The following SDC2 variants were observed in gnomAD, a reference collection of about 807,000 sequenced individuals.
The protein encoded by SDC2 is syndecan-2.
SDC2 carries 13 observed loss-of-function variants against 22.2 expected under a neutral mutation model. The ratio of observed to expected loss-of-function variants is 0.59; its 90% CI spans 0.38 to 0.93. The LOEUF is 0.93. Among genes scored for constraint, SDC2 ranks in the 40% least tolerant of loss-of-function variants. SDC2 has a pLI of 0.00. For missense variants in SDC2, 235 were observed against 246.8 expected, an observed-to-expected ratio of 0.95 and a Z score of 0.32; for synonymous variants, 94 against 92.8, an observed-to-expected ratio of 1.01 and a Z score of -0.07.
At position 96,517,233 on chromosome 8, in the gene SDC2, GTATT is replaced by G. The variant is rs538796735; in HGVS notation, c.60+22905_60+22908del. 2.7e-3 allele frequency among the ~76,000 whole-genome samples: 414 copies of G among 152,278 alleles called. 1 individual carries two copies. The highest frequency in any genetic ancestry group is 9.1e-3 in the African/African-American group (377 of 41,558). On this transcript the variant is annotated intron_variant, in intron 1 of 4. Transcript: ENST00000302190. ...TGTGTTTTTGTGTTCTTAGCCATTTGTATTTACTCTGTGAAGAAATGTCTATTCA... is the reference window on the plus strand; with the variant it reads ...TGTGTTTTTGTGTTCTTAGCCATTTGTACTCTGTGAAGAAATGTCTATTCA...
rs145646968 is a variant in SDC2, at chr8:96,585,395, A to G, written c.61-8085A>G. ...TCATCATGAGATGATGGCTTGGAAC[A>G]CCTGAGGGTTCGGATGACATGAGTT... On this transcript the variant is annotated intron_variant, in intron 1 of 4. Transcript: ENST00000302190. 4.6e-5 allele frequency among the ~76,000 whole-genome samples: 7 copies of G among 152,324 alleles called. No individual in the cohort carries two copies. The East Asian group carries it at 1.4e-3, about 29-fold the overall frequency.
chr8:96,577,906 G>T (rs1814531086), intron 1 of SDC2, among the ~76,000 whole-genome samples: 1 of 152,094 alleles, frequency 6.6e-6, no homozygotes, highest in Non-Finnish European at 1.5e-5. Context: ...TCTTTTTGAT[G>T]GCTTGATAGC....
chr8:96,585,429 G>C (rs1814665859), intron 1 of SDC2, among the ~76,000 whole-genome samples: 1 of 152,152 alleles, frequency 6.6e-6, no homozygotes, highest in African/African-American at 2.4e-5. Flanking sequence ...TTTGTAGAAT[G>C]ATATGCCAGT....
chr8:96,601,505 G>A (rs762650530), intron 2 of SDC2, among the ~76,000 whole-genome samples: 3 of 151,630 alleles, frequency 2.0e-5, no homozygotes, highest in South Asian at 2.1e-4. Context: ...GCTGGGTGTC[G>A]TAGCATGCGC....
Position 96,552,934 on chromosome 8 carries a change from T to C in SDC2, c.61-40546T>C, listed in dbSNP as rs375807527. Among the ~76,000 whole-genome samples the C allele has an allele frequency of 1.1e-4, 16 of 152,336 alleles. No individual in the cohort carries two copies. In the East Asian group the frequency reaches 2.5e-3, roughly 24 times the overall value. The stretch of plus-strand genomic sequence containing the variant: ...TTAAGCTACTAAGAGTTTTCTGGTA[T>C]TGAATGAAAAAGAATTGTAGGTATT... On this transcript the variant is annotated intron_variant, in intron 1 of 4. Coordinates refer to ENST00000302190, the MANE Select transcript of SDC2 (RefSeq NM_002998.4).
intron 3 of SDC2, 101 bp downstream of exon 3, chr8:96,602,629 T>C (rs1301528323): frequency 3.0e-6 from 4 of 1,320,708 alleles, no homozygotes; most frequent in African/African-American, 1.5e-5. Flanking sequence ...TTCTTCTTTT[T>C]GGAGCTACCC....
chr8:96,537,628 A>T (rs1813775175), intron 1 of SDC2, among the ~76,000 whole-genome samples: 3 of 151,312 alleles, frequency 2.0e-5, no homozygotes, highest in East Asian at 1.9e-4. Flanking sequence ...GAAATTAATA[A>T]TTTTTCTTCT....
chr8:96,582,912 G>A (rs145310317), intron 1 of SDC2, among the ~76,000 whole-genome samples: 4 of 152,198 alleles, frequency 2.6e-5, no homozygotes, highest in African/African-American at 9.6e-5. Flanking sequence ...CTAACAAGAC[G>A]GGTTATTAGA....
chr8:96,539,822 A>G (rs1458703046), intron 1 of SDC2, among the ~76,000 whole-genome samples: 1 of 152,154 alleles, frequency 6.6e-6, no homozygotes, highest in Non-Finnish European at 1.5e-5. Context: ...AGGTTTTCCA[A>G]TTTTATAAGG....
chr8:96,495,227 G>T (rs1813051702), intron 1 of SDC2, among the ~76,000 whole-genome samples: 1 of 152,220 alleles, frequency 6.6e-6, no homozygotes, highest in African/African-American at 2.4e-5. Flanking sequence ...TGGCCCTGGC[G>T]GGGCGCTTCT....
intron 1 of SDC2, among the ~76,000 whole-genome samples, chr8:96,542,395 T>C (rs1393967816): frequency 6.6e-6 from 1 of 152,140 alleles, no homozygotes; most frequent in Non-Finnish European, 1.5e-5. Flanking sequence ...CAGTAAACCA[T>C]AATGAATGTT....
At chr8:96,517,530 T>C (rs1261379796) in intron 1 of SDC2, among the ~76,000 whole-genome samples, 1 of 152,190 alleles carries the variant, frequency 6.6e-6, no homozygotes, top group African/African-American at 2.4e-5. Context: ...TGGGGTACAG[T>C]TTATTTTCTT....
chr8:96,574,825 C>T (rs752633532), intron 1 of SDC2, among the ~76,000 whole-genome samples: 2 of 152,140 alleles, frequency 1.3e-5, no homozygotes, highest in Non-Finnish European at 2.9e-5. Context: ...GGTTCTAGAC[C>T]AGTGGTCCCC....
intron 1 of SDC2, among the ~76,000 whole-genome samples, chr8:96,555,352 C>G (rs1348755069): frequency 6.6e-6 from 1 of 152,096 alleles, no homozygotes; most frequent in South Asian, 2.1e-4. Flanking sequence ...TAGATTTGAA[C>G]AAATTAGGAA....
chr8:96,546,391 G>A (rs1813932665), intron 1 of SDC2, among the ~76,000 whole-genome samples: 1 of 152,170 alleles, frequency 6.6e-6, no homozygotes, highest in Non-Finnish European at 1.5e-5. Flanking sequence ...GGCTCATTGG[G>A]TGGCTGGCTT....
At position 96,609,707 on chromosome 8, in the gene SDC2, C is replaced by G. The variant is rs1037908119; in HGVS notation, c.*159C>G. On this transcript the variant is annotated 3_prime_UTR_variant, in exon 5 of 5. Coordinates refer to ENST00000302190, the MANE Select transcript of SDC2 (RefSeq NM_002998.4). ...TGTATTTAAAACATTTCATGTATTTCTTTAGAACAACATAAAATTAAAATT... is the reference window on the plus strand; with the variant it reads ...TGTATTTAAAACATTTCATGTATTTGTTTAGAACAACATAAAATTAAAATT... 5 of 481,040 alleles carry G rather than the reference C, an allele frequency of 1.0e-5. No homozygotes were observed. The highest frequency in any genetic ancestry group is 1.7e-5 in the Non-Finnish European group (5 of 288,114). The allele number at this position is 481,040 out of a possible 1,614,324, so 29.8% of individuals were successfully genotyped here. A position where few individuals can be genotyped will look rare whatever the true frequency, so the allele number is the denominator to read the frequency against.
chr8:96,547,557 G>A (rs1278218396), intron 1 of SDC2, among the ~76,000 whole-genome samples: 3 of 152,110 alleles, frequency 2.0e-5, no homozygotes, highest in Admixed American at 6.5e-5. Context: ...ATGCTAGTGT[G>A]CACGCTTCCT....
At chr8:96,554,068 G>A (rs960620967) in intron 1 of SDC2, among the ~76,000 whole-genome samples, 1 of 152,150 alleles carries the variant, frequency 6.6e-6, no homozygotes, top group African/African-American at 2.4e-5. Context: ...TGGGGTTACA[G>A]GTGTGAGCTA....
chr8:96,558,339 G>A (rs1814154068), intron 1 of SDC2, among the ~76,000 whole-genome samples: 1 of 152,064 alleles, frequency 6.6e-6, no homozygotes, highest in Admixed American at 6.6e-5. Flanking sequence ...GGCTTATGGT[G>A]TTTTGTGGCG....
Sources: allele counts gnomAD v4.1 joint callset (sites outside exome capture counted in the v4.1 genomes callset), GRCh38; gene constraint gnomAD v4.1.1; transcripts MANE v1.5; gene names NCBI Gene and HGNC (gene_info 2026-07-23, HGNC 2026-07-21).